MCM3AP: variants seen among roughly 807,000 people sequenced by gnomAD.
MCM3AP encodes minichromosome maintenance complex component 3 associated protein, also known as germinal-center associated nuclear protein.
Under a neutral mutation model 184.1 loss-of-function variants are expected in MCM3AP, and 126 were observed. The observed-to-expected ratio is 0.68, with a 90% CI of 0.59 to 0.79. The LOEUF is 0.79. MCM3AP is among the 30% of genes least tolerant of loss of function. MCM3AP has a pLI of 0.00. For missense variants in MCM3AP, 2,496 were observed against 2,479.2 expected (o/e 1.01, Z -0.14); for synonymous variants, 1,002 against 979.3 (o/e 1.02, Z -0.43).
chr21:46,284,585 C>G lies in MCM3AP; in HGVS notation c.702G>C (p.Glu234Asp). 1 of 1,614,198 alleles carries G rather than the reference C, an allele frequency of 6.2e-7. No homozygotes were observed. Among genetic ancestry groups the G allele is most frequent in the Non-Finnish European group, 8.5e-7 (1 of 1,180,002 alleles). ...PALSNQNVEE[E>D]KRGPKSIFGS... ...CAAATATTGACTTAGGTCCTCTCTT[C>G]TCTTCCTCTACATTTTGGTTTGACA... Residue 234 changes from glutamate (E) to aspartate (D), a missense_variant, in exon 1 of 28, where the codon GAG becomes GAC. This residue lies in a region of MCM3AP where 800 missense variants were observed against 717.1 expected (regional missense o/e 1.12). Transcript: ENST00000291688.
intron 8 of MCM3AP, among the ~76,000 whole-genome samples, chr21:46,270,836 GAGA>G (rs1406587673): frequency 6.6e-4 from 101 of 152,164 alleles, no homozygotes; most frequent in Non-Finnish European, 1.6e-4. Context: ...CAACCATACT[GAGA>G]AGGAGGGTCT....
intron 13 of MCM3AP, among the ~76,000 whole-genome samples, chr21:46,261,732 C>CAAAA (rs58763611): frequency 1.8e-5 from 2 of 110,976 alleles, no homozygotes. Context: ...GACTCTGTCT[C>CAAAA]AAAAAAAAAA....
At chr21:46,257,124 C>G in intron 16 of MCM3AP, 138 bp from the exon 17 acceptor site, 1 of 1,211,732 alleles carries the variant, frequency 8.3e-7, no homozygotes, top group South Asian at 1.5e-5. Flanking sequence ...CGAACGTTAA[C>G]AGTTAATACT....
chr21:46,266,555 AG>A, intron 10 of MCM3AP: 2 of 234,546 alleles, frequency 8.5e-6, no homozygotes, highest in Admixed American at 1.1e-4. Context: ...GTTGAGTGTA[AG>A]CTGCCAGTTT....
chr21:46,248,449 C>T (rs1003500291), intron 20 of MCM3AP, among the ~76,000 whole-genome samples: 4 of 152,178 alleles, frequency 2.6e-5, no homozygotes, highest in Admixed American at 6.5e-5. Context: ...ATTTGGGAGT[C>T]CCTCCAAAAA....
chr21:46,272,459 G>C, intron 8 of MCM3AP, 102 bp downstream of exon 8: 1 of 1,202,130 alleles, frequency 8.3e-7, no homozygotes, highest in Non-Finnish European at 1.2e-6. Flanking sequence ...CTACCAGACA[G>C]AATGCTGCAC....
intron 3 of MCM3AP, 95 bp from the exon 4 acceptor site, chr21:46,280,232 C>A: frequency 7.3e-7 from 1 of 1,363,708 alleles, no homozygotes. Flanking sequence ...ATATTATTTT[C>A]ATTGTCACAG....
At chr21:46,275,014 T>C (rs1369535262) in intron 6 of MCM3AP, among the ~76,000 whole-genome samples, 172 bp downstream of exon 6, 1 of 151,148 alleles carries the variant, frequency 6.6e-6, no homozygotes, top group Non-Finnish European at 1.5e-5. Context: ...TTATCATGTA[T>C]AGGTACCAAT....
At chr21:46,265,190 C>T in intron 12 of MCM3AP, 131 bp downstream of exon 12, 1 of 761,656 alleles carries the variant, frequency 1.3e-6, no homozygotes, top group African/African-American at 1.7e-5. Context: ...CTGAGTGACT[C>T]TAGGCAGGAC....
Position 46,243,620 on chromosome 21 carries a change from A to C in MCM3AP, c.5141T>G (p.Leu1714Arg). 6.2e-7 allele frequency: 1 copy of C among 1,614,224 alleles called. No homozygotes were observed. Residue 1714 changes from leucine to arginine, a missense_variant, in exon 24 of 28, where the codon CTC (leucine) becomes CGC (arginine). By Grantham distance (102) the Leu-to-Arg change is moderately radical (BLOSUM62 -2). Around this residue, in one of 5 missense-constraint regions of MCM3AP, gnomAD observed 1,323 missense variants for 1,273.4 expected, o/e 1.04. Transcript: ENST00000291688. ...PVLQSQVENL[L>R]HRTYCRWKSK... ...CTTCCACCTACAGTAGGTTCTGTGG[A>C]GCAGGTTCTCCACCTGGGACTGGAG...
Position 46,237,874 on chromosome 21 carries a change from C to T in MCM3AP, c.5634-895G>A, listed in dbSNP as rs1419449122. Among the ~76,000 whole-genome samples, 7 of 115,276 alleles carry T rather than the reference C, an allele frequency of 6.1e-5. 1 individual carries two copies. Among genetic ancestry groups the T allele is most frequent in the South Asian group, 2.8e-4 (1 of 3,606 alleles). The allele number at this position is 115,276 out of a possible 152,430, so 75.6% of individuals were successfully genotyped here. On this transcript the variant is annotated intron_variant, in intron 26 of 27. Transcript: ENST00000291688. ...CAACACTTTGGGAGGCCGAGGCGGG[C>T]AGATCACCTGAGGTCAGGAGTTCAA... is the stretch of plus-strand genomic sequence containing the variant.
chr21:46,257,094 G>A (rs2080965393), intron 16 of MCM3AP, 108 bp from the exon 17 acceptor site: 1 of 1,442,678 alleles, frequency 6.9e-7, no homozygotes, highest in African/African-American at 1.4e-5. Flanking sequence ...TCAAATGAGT[G>A]TGGTGAGCAA....
chr21:46,276,691 TC>T, intron 5 of MCM3AP, among the ~76,000 whole-genome samples: 1 of 151,876 alleles, frequency 6.6e-6, no homozygotes, highest in African/African-American at 2.4e-5. Context: ...TCCACCAGCC[TC>T]GACCTCCTAA....
rs1238564255 is a variant in MCM3AP, at chr21:46,235,360, T to G, written c.5851A>C (p.Lys1951Gln). 1 of 1,614,160 alleles carries G rather than the reference T, an allele frequency of 6.2e-7. No individual in the cohort carries two copies. Among genetic ancestry groups the G allele is most frequent in the South Asian group, 1.1e-5 (1 of 91,082 alleles). Residue 1951 changes from lysine to glutamine, a missense_variant, in exon 28 of 28, where the codon AAG becomes CAG. Lys to Gln is a moderately conservative substitution (Grantham distance 53). Coordinates refer to ENST00000291688, the MANE Select transcript of MCM3AP (RefSeq NM_003906.5). ...CTCCGGATCAGCCTTTCCAGGTGCTTTAGTCGTTCGCCTAGACACGTTCCT... is the reference window on the plus strand; with the variant it reads ...CTCCGGATCAGCCTTTCCAGGTGCTGTAGTCGTTCGCCTAGACACGTTCCT... ...ATGTCLGERLKHLERLIRSSR... is the reference protein window; with the variant it reads ...ATGTCLGERLQHLERLIRSSR...
At position 46,260,839 on chromosome 21, in the gene MCM3AP, G is replaced by T; in HGVS notation, c.3535C>A (p.Arg1179Ser). The T allele has an allele frequency of 6.2e-7, 1 of 1,614,078 alleles. No homozygotes were observed. Among genetic ancestry groups the T allele is most frequent in the Non-Finnish European group, 8.5e-7 (1 of 1,179,984 alleles). ...SQGLAVELME[R>S]VMMEFVRETC... is the part of the protein sequence containing the mutation. ...TCCCTCACAAACTCCATCATCACGC[G>T]TTCCATCAGCTCCACGGCCAGGCCC... Residue 1179 changes from arginine (R) to serine (S), a missense_variant, in exon 15 of 28, where the codon CGC (arginine) becomes AGC (serine). Arg to Ser is a moderately radical substitution (Grantham distance 110). Transcript: ENST00000291688.
chr21:46,277,816 T>C (rs1477050383), intron 4 of MCM3AP, 99 bp from the exon 5 acceptor site: 27 of 662,350 alleles, frequency 4.1e-5, no homozygotes, highest in Non-Finnish European at 6.6e-5. Context: ...GATTTTCTGG[T>C]CCTCTAAAGC....
At chr21:46,281,131 T>C (rs1008304986) in intron 2 of MCM3AP, among the ~76,000 whole-genome samples, 1 of 152,154 alleles carries the variant, frequency 6.6e-6, no homozygotes, top group African/African-American at 2.4e-5. Flanking sequence ...ACAACTTTGC[T>C]TCATAGAACT....
At chr21:46,248,535 T>C (rs1452994084) in intron 20 of MCM3AP, among the ~76,000 whole-genome samples, 2 of 150,276 alleles carry the variant, frequency 1.3e-5, no homozygotes, top group African/African-American at 4.9e-5. Context: ...AGGGCCTCAC[T>C]CAGATATAGA....
intron 25 of MCM3AP, chr21:46,241,222 G>A (rs2080659019): frequency 3.5e-6 from 2 of 577,922 alleles, no homozygotes; most frequent in Non-Finnish European, 3.1e-6. Context: ...AAGAGGGAAG[G>A]CAGCCCCTGC....
Sources: gnomAD v4.1 joint callset for allele counts (sites outside exome capture counted in the v4.1 genomes callset) on GRCh38, gnomAD v4.1.1 for gene constraint, gnomAD v4.1.1 regional missense constraint, MANE v1.5 for transcripts, NCBI Gene and HGNC (gene_info 2026-07-23, HGNC 2026-07-21) for gene names.